Variants in QTGAL observed in about 807,000 individuals in gnomAD.
The protein encoded by QTGAL is queuosine-tRNA galactosyltransferase, also known as BGnT-like protein 1.
At chr17:82,993,859 T>C in the QTGAL span, among the ~76,000 whole-genome samples, 43 of 152,224 alleles carry the variant, frequency 2.8e-4, no homozygotes, top group East Asian at 8.3e-3. Flanking sequence ...AGAGGAATTT[T>C]GGAAACTATA....
the QTGAL span, among the ~76,000 whole-genome samples, chr17:82,975,073 CCAGGGACCAGAGGCCACTATGGAGAGT>C: frequency 3.8e-5 from 4 of 103,900 alleles, no homozygotes; most frequent in Admixed American, 1.7e-4. Context: ...CTCCATCCTC[CCAGGGACCAGAGGCCACTATGGAGAGT>C]CAGGGCCCCG....
At chr17:82,967,984 A>G in the QTGAL span, among the ~76,000 whole-genome samples, 3 of 152,178 alleles carry the variant, frequency 2.0e-5, no homozygotes, top group African/African-American at 7.2e-5. Flanking sequence ...GACAGTACCA[A>G]GTAAAAATCT....
At chr17:83,027,699 CAAAA>C in the QTGAL span, among the ~76,000 whole-genome samples, 5 of 31,508 alleles carry the variant, frequency 1.6e-4, no homozygotes, top group Non-Finnish European at 3.2e-4. Flanking sequence ...GAGACGCTCT[CAAAA>C]AAAAAAAAAA....
At chr17:82,943,246 G>A in the QTGAL span, 2 of 152,320 alleles carry the variant, frequency 1.3e-5, no homozygotes, top group African/African-American at 4.8e-5. Flanking sequence ...GCAAAGGGCA[G>A]GAGGCTACCT....
chr17:83,042,272 C>T, the QTGAL span, among the ~76,000 whole-genome samples: 1 of 152,194 alleles, frequency 6.6e-6, no homozygotes, highest in Non-Finnish European at 1.5e-5. Context: ...GAGGCTGAGG[C>T]ACAAGAATCA....
the QTGAL span, among the ~76,000 whole-genome samples, chr17:82,999,972 TG>T: frequency 1.3e-5 from 2 of 152,140 alleles, no homozygotes; most frequent in Admixed American, 6.5e-5. Flanking sequence ...TGTTTTGTTT[TG>T]TTTTTTTGAG....
the QTGAL span, among the ~76,000 whole-genome samples, chr17:83,002,761 G>A: frequency 6.6e-6 from 1 of 152,342 alleles, no homozygotes; most frequent in East Asian, 1.9e-4. Flanking sequence ...ATCGCATGCA[G>A]CAGCCTGGCT....
At chr17:82,961,171 T>A in the QTGAL span, 3 of 1,607,124 alleles carry the variant, frequency 1.9e-6, no homozygotes, top group Non-Finnish European at 2.5e-6. Context: ...CAGCAGGTCC[T>A]CCGGGACGCC....
the QTGAL span, among the ~76,000 whole-genome samples, chr17:83,024,274 T>G: frequency 6.9e-6 from 1 of 145,680 alleles, no homozygotes; most frequent in African/African-American, 2.8e-5. Flanking sequence ...AGCGGCAGCC[T>G]CCGCCCGGGG....
the QTGAL span, among the ~76,000 whole-genome samples, chr17:83,050,142 G>A: frequency 6.6e-6 from 1 of 152,112 alleles, no homozygotes; most frequent in African/African-American, 2.4e-5. Context: ...AGGCCGAGGC[G>A]GGCAGATCAT....
chr17:82,958,243 C>T, the QTGAL span, among the ~76,000 whole-genome samples: 1 of 152,226 alleles, frequency 6.6e-6, no homozygotes, highest in Non-Finnish European at 1.5e-5. Flanking sequence ...GCCAACGGGG[C>T]CAGAACGGCG....
At chr17:82,950,557 T>C in the QTGAL span, among the ~76,000 whole-genome samples, 61 of 152,320 alleles carry the variant, frequency 4.0e-4, no homozygotes, top group African/African-American at 1.4e-3. Context: ...CCCCGGTAAC[T>C]TGGACAACGG....
At chr17:82,968,692 G>C in the QTGAL span, among the ~76,000 whole-genome samples, 1 of 152,248 alleles carries the variant, frequency 6.6e-6, no homozygotes, top group Admixed American at 6.5e-5. Flanking sequence ...TGACTGCAAA[G>C]GCATAGCCTT....
At chr17:82,998,587 C>T in the QTGAL span, among the ~76,000 whole-genome samples, 56 of 152,240 alleles carry the variant, frequency 3.7e-4, no homozygotes, top group African/African-American at 1.3e-3. Flanking sequence ...CCTCATGATC[C>T]ACCCACCTTG....
chr17:82,961,401 G>A, the QTGAL span: 1 of 541,128 alleles, frequency 1.8e-6, no homozygotes, highest in South Asian at 2.2e-5. Flanking sequence ...GGGAAGGGAG[G>A]GTGGGCTGGG....
At chr17:83,008,900 G>A in the QTGAL span, among the ~76,000 whole-genome samples, 512 of 152,206 alleles carry the variant, frequency 3.4e-3, no homozygotes, top group Non-Finnish European at 4.3e-3. Flanking sequence ...ATCCCAGCCC[G>A]GCAGTCCAGA....
chr17:83,034,100 C>T, the QTGAL span, among the ~76,000 whole-genome samples: 1 of 152,154 alleles, frequency 6.6e-6, no homozygotes, highest in Non-Finnish European at 1.5e-5. Context: ...ACCACCACGC[C>T]TGGCTAATTT....
At chr17:82,974,867 A>C in the QTGAL span, among the ~76,000 whole-genome samples, 1 of 152,216 alleles carries the variant, frequency 6.6e-6, no homozygotes, top group Non-Finnish European at 1.5e-5. Context: ...TGGGGCTGGG[A>C]CAGAGCCCGA....
chr17:82,984,819 C>T, the QTGAL span, among the ~76,000 whole-genome samples: 1 of 152,150 alleles, frequency 6.6e-6, no homozygotes, highest in Non-Finnish European at 1.5e-5. Context: ...CGCGTCACAC[C>T]ACTGTCTGCC....
Sources: allele counts gnomAD v4.1 joint callset (sites outside exome capture counted in the v4.1 genomes callset), GRCh38; gene constraint gnomAD v4.1.1; transcripts MANE v1.5; gene names NCBI Gene and HGNC (gene_info 2026-07-23, HGNC 2026-07-21).